LSAMP: variants seen among roughly 807,000 people sequenced by gnomAD.
LSAMP encodes limbic system associated membrane protein.
Under a neutral mutation model 38.6 loss-of-function variants are expected in LSAMP, and 7 were observed. That is an observed-to-expected ratio of 0.18 (90% CI 0.10 to 0.34). The LOEUF (loss-of-function observed/expected upper bound fraction) is 0.34, where lower values mean the gene tolerates loss of function less well. Ranked by LOEUF, LSAMP falls within the 10% of genes least tolerant of loss-of-function variation. The probability of loss-of-function intolerance (pLI) is 1.00; values close to 1 mark genes in which losing one functional copy is unlikely to be tolerated. For missense variants in LSAMP, 313 were observed against 420.0 expected (o/e 0.75, Z 2.23); for synonymous variants, 154 against 166.8 (o/e 0.92, Z 0.59).
chr3:116,337,544 A>G (rs548749019), intron 1 of LSAMP, among the ~76,000 whole-genome samples: 14 of 152,014 alleles, frequency 9.2e-5, no homozygotes, highest in Non-Finnish European at 1.9e-4. Flanking sequence ...TGTATGTTGC[A>G]CTCTAGCTAG....
intron 1 of LSAMP, among the ~76,000 whole-genome samples, chr3:116,161,952 T>C (rs143883872): frequency 2.4e-4 from 36 of 151,904 alleles, no homozygotes; most frequent in African/African-American, 8.7e-4. Context: ...GGGTGGGGAA[T>C]AGCGGATTTG....
At chr3:116,056,576 A>T (rs1054472354) in intron 2 of LSAMP, among the ~76,000 whole-genome samples, 1 of 152,182 alleles carries the variant, frequency 6.6e-6, no homozygotes, top group African/African-American at 2.4e-5. Flanking sequence ...TGGGAAAAAG[A>T]CTAGTTCTAA....
rs1458773387 is a variant in LSAMP, at chr3:115,805,234, A to G, written c.*5083T>C. 6.6e-6 allele frequency: 1 copy of G among 152,208 alleles called. No individual in the cohort carries two copies. The highest frequency in any genetic ancestry group is 1.5e-5 in the Non-Finnish European group (1 of 68,032). 9.4% of individuals were successfully genotyped at this position (152,208 alleles called of 1,614,324 possible). On this transcript the variant is annotated 3_prime_UTR_variant, in exon 7 of 7. Coordinates refer to ENST00000490035, the MANE Select transcript of LSAMP (RefSeq NM_002338.5). ...TGGGACAATCTCCACTTAGATCCTG[A>G]AAGACCAAAGAGGTGACTTGAGCAG...
intron 3 of LSAMP, among the ~76,000 whole-genome samples, chr3:116,000,280 C>T (rs1939953146): frequency 6.6e-6 from 1 of 152,150 alleles, no homozygotes; most frequent in Non-Finnish European, 1.5e-5. Flanking sequence ...CTCACTTAAT[C>T]ATCACAACAA....
intron 3 of LSAMP, among the ~76,000 whole-genome samples, chr3:115,985,783 G>T (rs1939493205): frequency 6.6e-6 from 1 of 152,162 alleles, no homozygotes; most frequent in African/African-American, 2.4e-5. Context: ...CCATGTAGGT[G>T]AACTTGGAAG....
chr3:115,982,885 A>G (rs912059041), intron 3 of LSAMP, among the ~76,000 whole-genome samples: 6 of 146,690 alleles, frequency 4.1e-5, no homozygotes, highest in Non-Finnish European at 7.4e-5. Context: ...CCATGGGTGC[A>G]CCGTTATCTC....
chr3:116,413,508 G>A (rs764481180), intron 1 of LSAMP, among the ~76,000 whole-genome samples: 3 of 151,918 alleles, frequency 2.0e-5, no homozygotes, highest in Non-Finnish European at 2.9e-5. Context: ...CTACTTGCTT[G>A]CCACAAGGGG....
intron 1 of LSAMP, among the ~76,000 whole-genome samples, chr3:116,231,239 AG>A (rs2046399385): frequency 6.6e-6 from 1 of 152,184 alleles, no homozygotes; most frequent in Admixed American, 6.5e-5. Context: ...ATGCAGTGAA[AG>A]GTTCTGGTTC....
intron 1 of LSAMP, among the ~76,000 whole-genome samples, chr3:116,419,730 C>G (rs1324629656): frequency 6.6e-6 from 1 of 152,020 alleles, no homozygotes; most frequent in Non-Finnish European, 1.5e-5. Flanking sequence ...GCAAAATGAA[C>G]CAACTTGGGC....
chr3:115,851,710 C>T (rs557686532), intron 4 of LSAMP, among the ~76,000 whole-genome samples: 3 of 152,316 alleles, frequency 2.0e-5, no homozygotes, highest in East Asian at 1.9e-4. Flanking sequence ...TTGTCCCTGA[C>T]ACTAGCCACA....
At chr3:116,146,140 A>G (rs1291167084) in intron 1 of LSAMP, among the ~76,000 whole-genome samples, 1 of 151,726 alleles carries the variant, frequency 6.6e-6, no homozygotes, top group Admixed American at 6.6e-5. Flanking sequence ...TCTTCTAGGG[A>G]GCAGGCTTTT....
chr3:116,425,629 C>A (rs2049184746), intron 1 of LSAMP, among the ~76,000 whole-genome samples: 2 of 152,220 alleles, frequency 1.3e-5, no homozygotes, highest in Non-Finnish European at 2.9e-5. Context: ...CCTGTAATCT[C>A]TAACCGTCTA....
At chr3:116,131,428 G>C (rs1709131151) in intron 1 of LSAMP, among the ~76,000 whole-genome samples, 1 of 152,074 alleles carries the variant, frequency 6.6e-6, no homozygotes, top group Non-Finnish European at 1.5e-5. Flanking sequence ...ACCCAATCAG[G>C]GTCAGTGAAA....
chr3:116,309,817 C>G (rs17702560), intron 1 of LSAMP, among the ~76,000 whole-genome samples: 2 of 152,120 alleles, frequency 1.3e-5, no homozygotes, highest in Admixed American at 6.6e-5. Context: ...GTTACAATAG[C>G]TGGCCAAAGA....
intron 2 of LSAMP, among the ~76,000 whole-genome samples, chr3:116,046,665 A>G (rs1941295561): frequency 6.6e-6 from 1 of 152,196 alleles, no homozygotes; most frequent in Admixed American, 6.5e-5. Context: ...TGCTGCAGCA[A>G]CCCTGAAAGG....
intron 3 of LSAMP, among the ~76,000 whole-genome samples, chr3:115,861,299 A>G (rs534737152): frequency 4.7e-4 from 72 of 151,960 alleles, no homozygotes; most frequent in African/African-American, 1.6e-3. Flanking sequence ...TTATACACCA[A>G]CACTATTTAC....
intron 4 of LSAMP, among the ~76,000 whole-genome samples, chr3:115,849,049 C>G (rs1181307630): frequency 6.6e-6 from 1 of 152,098 alleles, no homozygotes; most frequent in Admixed American, 6.5e-5. Context: ...GCACCTAGAA[C>G]CTGCAATGAA....
At chr3:116,396,988 A>G (rs1301699954) in intron 1 of LSAMP, among the ~76,000 whole-genome samples, 2 of 152,208 alleles carry the variant, frequency 1.3e-5, no homozygotes, top group Non-Finnish European at 2.9e-5. Flanking sequence ...GCTTTTGTCC[A>G]TGCTATCATG....
At chr3:116,310,562 G>A (rs1052774045) in intron 1 of LSAMP, among the ~76,000 whole-genome samples, 2 of 152,152 alleles carry the variant, frequency 1.3e-5, no homozygotes, top group African/African-American at 4.8e-5. Flanking sequence ...TGTATATACA[G>A]CTATTCAGAT....
Sources: gnomAD v4.1 joint callset for allele counts (sites outside exome capture counted in the v4.1 genomes callset) on GRCh38, gnomAD v4.1.1 for gene constraint, MANE v1.5 for transcripts, NCBI Gene and HGNC (gene_info 2026-07-23, HGNC 2026-07-21) for gene names.